The following WIPI2 variants were observed in gnomAD, a reference collection of about 807,000 sequenced individuals.
WIPI2 encodes the protein WD repeat domain phosphoinositide-interacting protein 2.
A neutral mutation model predicts 52.3 loss-of-function variants in WIPI2; 28 were observed. The observed-to-expected ratio is 0.54, with a 90% CI of 0.40 to 0.73. The LOEUF (loss-of-function observed/expected upper bound fraction) is 0.73, where lower values mean the gene tolerates loss of function less well. Ranked by LOEUF, WIPI2 falls within the 30% of genes least tolerant of loss-of-function variation. WIPI2 has a pLI of 0.00. For synonymous variants in WIPI2, 268 were observed against 245.0 expected, an observed-to-expected ratio of 1.09 and a Z score of -0.88; for missense variants, 506 against 602.9, an observed-to-expected ratio of 0.84 and a Z score of 1.68.
intron 11 of WIPI2, 74 bp downstream of exon 11, chr7:5,228,285 T>G (rs1190971470): frequency 7.4e-7 from 1 of 1,359,590 alleles, no homozygotes; most frequent in African/African-American, 1.5e-5. Context: ...GGCGAACGTT[T>G]GTTTATTTCC....
intron 3 of WIPI2, among the ~76,000 whole-genome samples, chr7:5,206,914 G>A (rs4410810): frequency 0.95 from 144,330 of 152,266 alleles, 68,459 homozygotes; most frequent in African/African-American, 0.98. Context: ...AGTTGCTGAG[G>A]CTACAGGAGT....
Position 5,217,172 on chromosome 7 carries a change from C to T in WIPI2, c.561C>T (p.Phe187=), listed in dbSNP as rs373376877. 4.3e-6 allele frequency: 7 copies of T among 1,614,014 alleles called. No individual in the cohort carries two copies. The highest frequency in any genetic ancestry group is 5.9e-6 in the Non-Finnish European group (7 of 1,180,038). The change falls in exon 6 of 13, where the codon TTC becomes TTT. Residue 187 remains phenylalanine, a synonymous_variant. Coordinates refer to ENST00000288828, the MANE Select transcript of WIPI2 (RefSeq NM_015610.4). ...CGACCATCGGAGAGGTGCAGGTCTT[C>T]GATACCATTAATTTGGTGAGATGCC... ...GSATIGEVQV[F]DTINLRAANM...
At chr7:5,190,572 C>T in intron 1 of WIPI2, 79 bp downstream of exon 1, 1 of 1,292,900 alleles carries the variant, frequency 7.7e-7, no homozygotes, top group Non-Finnish European at 1.0e-6. Context: ...CGCTGCCAAG[C>T]TCGGCGGCGT....
rs956446284 is a variant in WIPI2, at chr7:5,232,261, C to T, written c.*1314C>T. On this transcript the variant is annotated 3_prime_UTR_variant, in exon 13 of 13. Transcript: ENST00000288828. ...GTTTTTGAACCGAGGAAGGCTGGGACGCCTGTTTCCAGATGGTTGTCATGG... is the reference window on the plus strand; with the variant it reads ...GTTTTTGAACCGAGGAAGGCTGGGATGCCTGTTTCCAGATGGTTGTCATGG... 3.8e-5 allele frequency: 15 copies of T among 398,540 alleles called. No homozygotes were observed. The highest frequency in any genetic ancestry group is 1.1e-4 in the East Asian group (3 of 28,094). 24.7% of individuals were successfully genotyped at this position (398,540 alleles called of 1,614,324 possible). A position where few individuals can be genotyped will look rare whatever the true frequency, so the allele number is the denominator to read the frequency against.
At chr7:5,218,091 CT>C in intron 7 of WIPI2, 77 bp downstream of exon 7, 1 of 1,482,370 alleles carries the variant, frequency 6.7e-7, no homozygotes, top group Non-Finnish European at 9.4e-7. Context: ...ACACAGCCAC[CT>C]TAGAGGCAAG....
chr7:5,194,716 C>T (rs1781658494), intron 2 of WIPI2, among the ~76,000 whole-genome samples: 1 of 152,286 alleles, frequency 6.6e-6, no homozygotes, highest in Admixed American at 6.5e-5. Context: ...TTCAAGTGAT[C>T]CTCCCGCCTG....
At chr7:5,214,276 T>C in intron 3 of WIPI2, 1 of 1,453,994 alleles carries the variant, frequency 6.9e-7, no homozygotes, top group Non-Finnish European at 9.1e-7. Context: ...GCAACAGAAC[T>C]GACTGAAAGG....
chr7:5,202,790 A>C (rs376680521), intron 3 of WIPI2, among the ~76,000 whole-genome samples: 29 of 152,172 alleles, frequency 1.9e-4, no homozygotes, highest in African/African-American at 6.8e-4. Context: ...TCATTTTTTG[A>C]ATATACATAA....
intron 3 of WIPI2, 68 bp from the exon 4 acceptor site, chr7:5,214,467 C>T (rs372843622): frequency 1.7e-4 from 272 of 1,613,610 alleles, no homozygotes; most frequent in Non-Finnish European, 2.1e-4. Flanking sequence ...TGTTTTTGAG[C>T]GCAGATTCTG....
chr7:5,216,837 T>C (rs770788194), intron 5 of WIPI2, 178 bp downstream of exon 5: 59 of 713,122 alleles, frequency 8.3e-5, no homozygotes, highest in Middle Eastern at 5.7e-4. Flanking sequence ...CATAAGCTCA[T>C]TGGTTTGATC....
chr7:5,191,562 C>T (rs892690623), intron 1 of WIPI2, among the ~76,000 whole-genome samples: 1 of 152,094 alleles, frequency 6.6e-6, no homozygotes, highest in African/African-American at 2.4e-5. Flanking sequence ...TGGATGCTGC[C>T]TGGGAGGAGG....
chr7:5,227,945 C>T lies in WIPI2; in HGVS notation c.1014-159C>T, dbSNP rs552137661. Reference sequence around the variant, plus strand: ...CTCAGCACACGAGTGCAGCCTTGGCCGTGTGAGCCGAGGTCAGTGGGGCGC... The same window carrying T: ...CTCAGCACACGAGTGCAGCCTTGGCTGTGTGAGCCGAGGTCAGTGGGGCGC... On this transcript the variant is annotated intron_variant, in intron 10 of 12. Coordinates refer to ENST00000288828, the MANE Select transcript of WIPI2 (RefSeq NM_015610.4). The surrounding 1 kb of genome is among the most constrained non-coding windows in gnomAD (Gnocchi z 8.1). Among the ~76,000 whole-genome samples the T allele has an allele frequency of 3.0e-4, 46 of 152,312 alleles. No individual in the cohort carries two copies. Among genetic ancestry groups the T allele is most frequent in the East Asian group, 1.9e-3 (10 of 5,182 alleles).
Position 5,190,465 on chromosome 7 carries a change from C to G in WIPI2, c.46C>G (p.Leu16Val). ...QSGEAGAGQL[L>V]FANFNQDNTE... is the part of the protein sequence containing the mutation. ...CGGGGAGGCCGGCGCCGGCCAGCTG[C>G]TCTTCGCCAACTTCAACCAGGACAA... Residue 16 changes from leucine (L) to valine (V), a missense_variant, in exon 1 of 13, where the codon CTC (leucine) becomes GTC (valine). By Grantham distance (32) the Leu-to-Val change is conservative (BLOSUM62 1). Around this residue, in one of 4 missense-constraint regions of WIPI2, gnomAD observed 15 missense variants for 31.3 expected, o/e 0.48. Coordinates refer to ENST00000288828, the MANE Select transcript of WIPI2 (RefSeq NM_015610.4). The G allele has an allele frequency of 1.3e-6, 2 of 1,508,486 alleles. No homozygotes were observed. Among genetic ancestry groups the G allele is most frequent in the Non-Finnish European group, 1.8e-6 (2 of 1,128,390 alleles). The allele number at this position is 1,508,486 out of a possible 1,614,324, so 93.4% of individuals were successfully genotyped here. A position where few individuals can be genotyped will look rare whatever the true frequency, so the allele number is the denominator to read the frequency against.
rs574018360 is a variant in WIPI2, at chr7:5,210,946, C to T, written c.212-3589C>T. Among the ~76,000 whole-genome samples, 3 of 152,310 alleles carry T rather than the reference C, an allele frequency of 2.0e-5. No individual in the cohort carries two copies. In the East Asian group the frequency reaches 5.8e-4, roughly 29 times the overall value. The stretch of plus-strand genomic sequence containing the variant: ...GCATAGAACTCAGCCCACACATGTG[C>T]TTTCTCCGCGGGGTACATCCCAGGC... On this transcript the variant is annotated intron_variant, in intron 3 of 12. Coordinates refer to ENST00000288828, the MANE Select transcript of WIPI2 (RefSeq NM_015610.4).
chr7:5,198,051 C>A (rs755428497), intron 2 of WIPI2, among the ~76,000 whole-genome samples: 3 of 152,222 alleles, frequency 2.0e-5, no homozygotes, highest in Non-Finnish European at 4.4e-5. Context: ...AGCCTCCTCG[C>A]AGAAGCGGGT....
intron 1 of WIPI2, 114 bp from the exon 2 acceptor site, chr7:5,193,004 T>A: frequency 1.0e-6 from 1 of 959,790 alleles, no homozygotes; most frequent in African/African-American, 1.6e-5. Context: ...CTTTCTTTAC[T>A]GGTAATATGA....
At chr7:5,209,252 T>A (rs1260400483) in intron 3 of WIPI2, among the ~76,000 whole-genome samples, 1 of 152,222 alleles carries the variant, frequency 6.6e-6, no homozygotes, top group Non-Finnish European at 1.5e-5. Flanking sequence ...GAAGGCTGTT[T>A]GATGTCTTGC....
chr7:5,213,052 A>G (rs1274300034), intron 3 of WIPI2: 1 of 152,174 alleles, frequency 6.6e-6, no homozygotes, highest in African/African-American at 2.4e-5. Flanking sequence ...TCCGCTGACA[A>G]AGATTCCTGT....
At chr7:5,222,554 C>A (rs761883433) in intron 7 of WIPI2, 48 bp from the exon 8 acceptor site, 14 of 1,575,972 alleles carry the variant, frequency 8.9e-6, no homozygotes, top group African/African-American at 1.3e-5. Flanking sequence ...ATGGGAAATT[C>A]CTGTTTTAAC....
Sources: allele counts gnomAD v4.1 joint callset (sites outside exome capture counted in the v4.1 genomes callset), GRCh38; gene constraint gnomAD v4.1.1; regional missense constraint gnomAD v4.1.1; non-coding constraint Gnocchi (gnomAD v3.1); transcripts MANE v1.5; gene names NCBI Gene and HGNC (gene_info 2026-07-23, HGNC 2026-07-21).